MRC1: variants seen among roughly 807,000 people sequenced by gnomAD.
MRC1 encodes macrophage mannose receptor 1.
Under a neutral mutation model 102.9 loss-of-function variants are expected in MRC1, and 62 were observed. The observed-to-expected ratio is 0.60, with a 90% CI of 0.49 to 0.74. MRC1 has a LOEUF of 0.74. MRC1 is among the 30% of genes least tolerant of loss of function. MRC1 has a pLI of 0.00. For synonymous variants in MRC1, 457 were observed against 298.4 expected, an observed-to-expected ratio of 1.53 and a Z score of -5.48; for missense variants, 1,237 against 862.8, an observed-to-expected ratio of 1.43 and a Z score of -5.43.
intron 23 of MRC1, among the ~76,000 whole-genome samples, chr10:17,896,244 C>T (rs1160908916): frequency 5.3e-5 from 8 of 152,288 alleles, no homozygotes; most frequent in African/African-American, 1.9e-4. Flanking sequence ...AATCAGGGAA[C>T]TAATGTCAAC....
At chr10:17,831,267 A>G (rs1423306026) in intron 3 of MRC1, among the ~76,000 whole-genome samples, 1 of 151,144 alleles carries the variant, frequency 6.6e-6, no homozygotes, top group African/African-American at 2.5e-5. Context: ...TCTATCTTCA[A>G]ATATACCCCA....
intron 9 of MRC1, among the ~76,000 whole-genome samples, chr10:17,860,277 T>G (rs1554841135): frequency 6.6e-6 from 1 of 151,482 alleles, no homozygotes; most frequent in African/African-American, 2.4e-5. Flanking sequence ...CATTTCTGTT[T>G]TTTTTTTTTT....
intron 18 of MRC1, 144 bp downstream of exon 18, chr10:17,878,111 A>T: frequency 1.6e-6 from 1 of 620,080 alleles, no homozygotes; most frequent in East Asian, 2.8e-5. Flanking sequence ...GAAAAAAGGA[A>T]TTTAAAATGA....
chr10:17,869,629 T>A (rs35762985), intron 12 of MRC1, among the ~76,000 whole-genome samples: 5,763 of 152,252 alleles, frequency 0.038, 375 homozygotes, highest in African/African-American at 0.13. Context: ...AATCATATAA[T>A]CTTTTAAATT....
intron 26 of MRC1, among the ~76,000 whole-genome samples, chr10:17,903,642 T>G (rs1345876698): frequency 6.6e-6 from 1 of 152,098 alleles, no homozygotes; most frequent in Non-Finnish European, 1.5e-5. Context: ...GTTATCCACC[T>G]GCCTCGGCTT....
chr10:17,829,014 AC>A (rs1366942815), intron 3 of MRC1, among the ~76,000 whole-genome samples: 1 of 151,104 alleles, frequency 6.6e-6, no homozygotes, highest in African/African-American at 2.5e-5. Context: ...CAAACTTCTT[AC>A]CCCCGACCTC....
At position 17,875,266 on chromosome 10, in the gene MRC1, A is replaced by G. The variant is rs1183480996; in HGVS notation, c.2550+13A>G. ...TCTATGGAAATATGTAAGGACATCA[A>G]TCATTTTTTAAAATTTTAATAGTTT... On this transcript the variant is annotated intron_variant, in intron 17 of 29. Coordinates refer to ENST00000569591, the MANE Select transcript of MRC1 (RefSeq NM_002438.4). 7.7e-6 allele frequency: 6 copies of G among 778,826 alleles called. No individual in the cohort carries two copies. The highest frequency in any genetic ancestry group is 3.4e-5 in the African/African-American group (2 of 58,888). The allele number at this position is 778,826 out of a possible 1,614,324, so 48.2% of individuals were successfully genotyped here.
In MRC1 at chr10:17,823,113, G is replaced by A. The variant is rs782704717; in HGVS notation, c.101G>A (p.Arg34His). Residue 34 changes from arginine (R) to histidine (H), a missense_variant, in exon 2 of 30, where the codon CGC (arginine) becomes CAC (histidine). Physicochemically the swap from Arg to His is conservative, Grantham distance 29 (BLOSUM62 0). Transcript: ENST00000569591. ...TTAATCTATAATGAAGATCACAAGC[G>A]CTGCGTGGATGCAGTGAGTCCCAGT... ...QFLIYNEDHK[R>H]CVDAVSPSAV... 42 of 780,678 alleles carry A rather than the reference G, an allele frequency of 5.4e-5. No individual in the cohort carries two copies. The highest frequency in any genetic ancestry group is 3.6e-4 in the African/African-American group (21 of 59,104). 48.4% of individuals were successfully genotyped at this position (780,678 alleles called of 1,614,324 possible). A position where few individuals can be genotyped will look rare whatever the true frequency, so the allele number is the denominator to read the frequency against.
At chr10:17,816,556 C>T (rs1049750527) in intron 1 of MRC1, among the ~76,000 whole-genome samples, 16 of 152,252 alleles carry the variant, frequency 1.1e-4, no homozygotes, top group Admixed American at 6.5e-5. Context: ...GTTTTCTGAC[C>T]CATCTAATTT....
At chr10:17,893,327 G>T (rs1041163138) in intron 22 of MRC1, among the ~76,000 whole-genome samples, 1 of 151,764 alleles carries the variant, frequency 6.6e-6, no homozygotes, top group East Asian at 1.9e-4. Context: ...AGCTAATTTT[G>T]TTTATTTTTT....
intron 1 of MRC1, among the ~76,000 whole-genome samples, 179 bp downstream of exon 1, chr10:17,809,705 G>T (rs1240657122): frequency 6.6e-6 from 1 of 152,086 alleles, no homozygotes; most frequent in African/African-American, 2.4e-5. Flanking sequence ...GGCATGGGAG[G>T]CCTGGAGTTG....
At chr10:17,849,899 T>G (rs1838888162) in intron 7 of MRC1, 135 bp downstream of exon 7, 1 of 596,426 alleles carries the variant, frequency 1.7e-6, no homozygotes, top group African/African-American at 1.8e-5. Context: ...AACGTATGAA[T>G]TTAATCACAA....
At chr10:17,834,428 T>G (rs1233096927) in intron 4 of MRC1, among the ~76,000 whole-genome samples, 2 of 152,226 alleles carry the variant, frequency 1.3e-5, no homozygotes, top group Non-Finnish European at 2.9e-5. Flanking sequence ...TTGTTTTGTT[T>G]TGAGACGGAG....
chr10:17,895,288 A>G (rs993959480), intron 23 of MRC1, among the ~76,000 whole-genome samples: 5 of 152,112 alleles, frequency 3.3e-5, no homozygotes, highest in Non-Finnish European at 7.4e-5. Context: ...AACAGGTTTG[A>G]TTGTTGCTTT....
In MRC1 at chr10:17,909,353, G is replaced by T; in HGVS notation, c.4120+6G>T. The T allele has an allele frequency of 1.1e-6, 1 of 871,532 alleles. No homozygotes were observed. Among genetic ancestry groups the T allele is most frequent in the Non-Finnish European group, 2.0e-6 (1 of 500,820 alleles). 54.0% of individuals were successfully genotyped at this position (871,532 alleles called of 1,614,324 possible). ...TGAATTACTTACAACAAAAGGTAAG[G>T]CCATTGCAAAATTTCAAGTTCTGTG... On this transcript the variant is annotated splice_donor_region_variant and intron_variant, in intron 29 of 29. Coordinates refer to ENST00000569591, the MANE Select transcript of MRC1 (RefSeq NM_002438.4).
At position 17,903,421 on chromosome 10, in the gene MRC1, A is replaced by C. The variant is rs1266350556; in HGVS notation, c.3799+1299A>C. Among the ~76,000 whole-genome samples the C allele has an allele frequency of 2.7e-5, 3 of 110,372 alleles. No homozygotes were observed. The East Asian group carries it at 7.6e-4, about 28-fold the overall frequency. 72.4% of individuals were successfully genotyped at this position (110,372 alleles called of 152,430 possible). Reference sequence around the variant, plus strand: ...TTTTTTTTTTTTTTTTTTGAGACAGAGTCTCATTCCCTCGCCCAGGCTGGA... The same window carrying C: ...TTTTTTTTTTTTTTTTTTGAGACAGCGTCTCATTCCCTCGCCCAGGCTGGA... On this transcript the variant is annotated intron_variant, in intron 26 of 29. Transcript: ENST00000569591.
intron 22 of MRC1, among the ~76,000 whole-genome samples, chr10:17,890,867 A>T (rs991199625): frequency 6.6e-6 from 1 of 152,086 alleles, no homozygotes; most frequent in Admixed American, 6.6e-5. Context: ...AGCTTCATCT[A>T]TATTTACAGC....
chr10:17,847,721 C>T (rs1838846647), intron 6 of MRC1, among the ~76,000 whole-genome samples: 1 of 152,222 alleles, frequency 6.6e-6, no homozygotes, highest in Non-Finnish European at 1.5e-5. Flanking sequence ...AACAAATCAT[C>T]TTCTGTGGCT....
At chr10:17,865,489 C>G (rs1833252210) in intron 11 of MRC1, 1 of 152,210 alleles carries the variant, frequency 6.6e-6, no homozygotes, top group Admixed American at 6.5e-5. Flanking sequence ...CCTGGAATGT[C>G]CTTAGGGACT....
Sources: gnomAD v4.1 joint callset for allele counts (sites outside exome capture counted in the v4.1 genomes callset) on GRCh38, gnomAD v4.1.1 for gene constraint, MANE v1.5 for transcripts, NCBI Gene and HGNC (gene_info 2026-07-23, HGNC 2026-07-21) for gene names.